The following RBFOX1 variants were observed in gnomAD, a reference collection of about 807,000 sequenced individuals.
RBFOX1 encodes the protein RNA binding fox-1 homolog 1, also known as RNA binding protein fox-1 homolog 1.
A neutral mutation model predicts 57.7 loss-of-function variants in RBFOX1; 8 were observed. The ratio of observed to expected loss-of-function variants is 0.14; its 90% CI spans 0.08 to 0.25. RBFOX1 has a LOEUF of 0.25. Ranked by LOEUF, RBFOX1 falls within the 10% of genes least tolerant of loss-of-function variation. The pLI is 1.00. For synonymous variants in RBFOX1, 326 were observed against 222.4 expected (o/e 1.47, Z -4.15); for missense variants, 611 against 548.5 (o/e 1.11, Z -1.14).
At chr16:6,834,158 C>T (rs920551142) in intron 3 of RBFOX1, among the ~76,000 whole-genome samples, 6 of 152,032 alleles carry the variant, frequency 3.9e-5, no homozygotes, top group Admixed American at 3.9e-4. Context: ...ACCACAACCT[C>T]CGCCTCCCCA....
At chr16:6,502,749 GC>G (rs1278733010) in intron 2 of RBFOX1, among the ~76,000 whole-genome samples, 2 of 152,072 alleles carry the variant, frequency 1.3e-5, no homozygotes, top group Non-Finnish European at 2.9e-5. Flanking sequence ...AGGGTAAGGT[GC>G]CCCGATGGAT....
chr16:7,479,333 G>A (rs1164742114), intron 4 of RBFOX1, among the ~76,000 whole-genome samples: 1 of 151,964 alleles, frequency 6.6e-6, no homozygotes, highest in African/African-American at 2.4e-5. Flanking sequence ...GTCTCACTTT[G>A]TTGCCCAGGC....
intron 3 of RBFOX1, among the ~76,000 whole-genome samples, chr16:6,984,298 A>G (rs1321973895): frequency 2.0e-5 from 3 of 152,158 alleles, no homozygotes; most frequent in Admixed American, 6.6e-5. Context: ...TGTGTGACCT[A>G]GAGAAATTTG....
At chr16:7,529,651 T>A (rs1189500442) in intron 5 of RBFOX1, among the ~76,000 whole-genome samples, 2 of 152,242 alleles carry the variant, frequency 1.3e-5, no homozygotes, top group Non-Finnish European at 2.9e-5. Context: ...TATTCATTTT[T>A]GTTATCTGTC....
chr16:5,719,170 G>C (rs906452037), intron 3 of RBFOX1, among the ~76,000 whole-genome samples: 1 of 151,288 alleles, frequency 6.6e-6, no homozygotes, highest in African/African-American at 2.4e-5. Context: ...CTACGGAGTT[G>C]GAAGGCTGCC....
At chr16:6,525,611 C>A (rs1188595734) in intron 2 of RBFOX1, among the ~76,000 whole-genome samples, 1 of 152,000 alleles carries the variant, frequency 6.6e-6, no homozygotes, top group African/African-American at 2.4e-5. Flanking sequence ...TGGGAAATGT[C>A]ACATGAAGGC....
intron 1 of RBFOX1, among the ~76,000 whole-genome samples, chr16:6,268,192 G>A (rs7206839): frequency 0.88 from 133,696 of 152,158 alleles, 59,402 homozygotes; most frequent in East Asian, 1. Flanking sequence ...TTTTGTGACA[G>A]TTTCCTCTCC....
chr16:6,023,789 G>T (rs947271331), intron 1 of RBFOX1, among the ~76,000 whole-genome samples: 2 of 152,142 alleles, frequency 1.3e-5, no homozygotes, highest in African/African-American at 4.8e-5. Context: ...CCACAGTGTC[G>T]TGCCGGAGAC....
intron 2 of RBFOX1, among the ~76,000 whole-genome samples, chr16:5,477,474 A>G (rs546843374): frequency 2.6e-5 from 4 of 152,274 alleles, no homozygotes; most frequent in Admixed American, 2.6e-4. Flanking sequence ...GGTGGCCCAG[A>G]CTGTCACTTC....
chr16:6,984,067 G>C lies in RBFOX1; in HGVS notation c.-15-67990G>C, dbSNP rs559794408. ...GTTCAAGACCTGTCTGATCAACATG[G>C]AGAAACCCTGTCTCTACTAAAAATA... On this transcript the variant is annotated intron_variant, in intron 3 of 15. Transcript: ENST00000550418. Among the ~76,000 whole-genome samples the C allele has an allele frequency of 2.2e-3, 338 of 152,230 alleles. 1 individual carries two copies. The highest frequency in any genetic ancestry group is 7.8e-3 in the African/African-American group (325 of 41,536).
In RBFOX1 at chr16:6,106,397, G is replaced by A. The variant is rs574233571; in HGVS notation, c.-127+86405G>A. Among the ~76,000 whole-genome samples the A allele has an allele frequency of 6.4e-4, 95 of 149,572 alleles. 3 individuals are homozygous for A. The South Asian group carries it at 0.02, about 32-fold the overall frequency. On this transcript the variant is annotated intron_variant, in intron 1 of 15. Transcript: ENST00000550418. ...AGGAGAATTGCTTGACCCCTGGAGT[G>A]GGAGGTTGTAGTAAGCCAAGATCGT... is the stretch of plus-strand genomic sequence containing the variant.
At chr16:7,414,773 A>G (rs1405276911) in intron 4 of RBFOX1, among the ~76,000 whole-genome samples, 3 of 152,124 alleles carry the variant, frequency 2.0e-5, no homozygotes, top group African/African-American at 4.8e-5. Flanking sequence ...GTGTGCCACC[A>G]TGACTGGCCA....
chr16:5,803,221 T>C (rs2055116255), intron 3 of RBFOX1, among the ~76,000 whole-genome samples: 1 of 152,136 alleles, frequency 6.6e-6, no homozygotes, highest in Admixed American at 6.5e-5. Context: ...CAGTACCCCG[T>C]GAGTATGTCA....
At chr16:5,886,870 G>A (rs902563298) in intron 4 of RBFOX1, among the ~76,000 whole-genome samples, 1 of 152,118 alleles carries the variant, frequency 6.6e-6, no homozygotes, top group Admixed American at 6.5e-5. Flanking sequence ...CCTGGGCAAC[G>A]GAGTGAGACT....
At position 7,429,785 on chromosome 16, in the gene RBFOX1, C is replaced by G. The variant is rs569566484; in HGVS notation, c.28-88362C>G. ...ATATTTCTTTCTGTGCTTCCATAGACCCTATTATTTCCCTAACAGCAAACT... is the reference window on the plus strand; with the variant it reads ...ATATTTCTTTCTGTGCTTCCATAGAGCCTATTATTTCCCTAACAGCAAACT... On this transcript the variant is annotated intron_variant, in intron 4 of 15. Coordinates refer to ENST00000550418, the MANE Select transcript of RBFOX1 (RefSeq NM_018723.4). Among the ~76,000 whole-genome samples, 38 of 152,292 alleles carry G rather than the reference C, an allele frequency of 2.5e-4. No homozygotes were observed. In the Middle Eastern group the frequency reaches 0.014, roughly 55 times the overall value.
At chr16:5,336,801 A>G (rs2064907267) in intron 1 of RBFOX1, among the ~76,000 whole-genome samples, 1 of 152,170 alleles carries the variant, frequency 6.6e-6, no homozygotes, top group African/African-American at 2.4e-5. Context: ...CCTTCAGCTC[A>G]CAACTCTCAG....
rs139505780 is a variant in RBFOX1, at chr16:6,867,270, A to C, written c.-15-184787A>C. On this transcript the variant is annotated intron_variant, in intron 3 of 15. Transcript: ENST00000550418. Reference sequence around the variant, plus strand: ...TCTTCCTTTTTTTTCCTTTCTGATGAGCATGGATGGAGGAGAGATCCATCC... The same window carrying C: ...TCTTCCTTTTTTTTCCTTTCTGATGCGCATGGATGGAGGAGAGATCCATCC... 5.0e-3 allele frequency among the ~76,000 whole-genome samples: 766 copies of C among 152,134 alleles called. 11 individuals carry two copies. The highest frequency in any genetic ancestry group is 0.018 in the African/African-American group (731 of 41,486).
At chr16:6,145,331 C>T (rs533733092) in intron 1 of RBFOX1, among the ~76,000 whole-genome samples, 1 of 152,178 alleles carries the variant, frequency 6.6e-6, no homozygotes, top group South Asian at 2.1e-4. Flanking sequence ...ATAAAGGCCT[C>T]CAACTCCATC....
At chr16:5,938,904 G>A (rs149288975) in intron 4 of RBFOX1, among the ~76,000 whole-genome samples, 20 of 152,236 alleles carry the variant, frequency 1.3e-4, no homozygotes, top group African/African-American at 3.9e-4. Flanking sequence ...TTTTGGGATG[G>A]CTATTATGTT....
Sources: gnomAD v4.1 joint callset for allele counts (sites outside exome capture counted in the v4.1 genomes callset) on GRCh38, gnomAD v4.1.1 for gene constraint, MANE v1.5 for transcripts, NCBI Gene and HGNC (gene_info 2026-07-23, HGNC 2026-07-21) for gene names.